RFX4: variants seen among roughly 807,000 people sequenced by gnomAD.
RFX4 encodes the protein transcription factor RFX4.
In RFX4, 10 loss-of-function variants were observed where a neutral mutation model predicts 95.0. The observed-to-expected ratio is 0.11, with a 90% CI of 0.06 to 0.18. The LOEUF is 0.18. RFX4 is among the 10% of genes least tolerant of loss of function. RFX4 has a pLI of 1.00. For missense variants in RFX4, 640 were observed against 922.0 expected (o/e 0.69, Z 3.96); for synonymous variants, 321 against 340.7 (o/e 0.94, Z 0.64).
chr12:106,719,945 TC>T lies in RFX4; in HGVS notation c.1139-13del. The T allele has an allele frequency of 1.9e-6, 3 of 1,606,848 alleles. No individual in the cohort carries two copies. The highest frequency in any genetic ancestry group is 2.6e-6 in the Non-Finnish European group (3 of 1,173,444). On this transcript the variant is annotated splice_polypyrimidine_tract_variant and intron_variant, in intron 11 of 17. Coordinates refer to ENST00000392842, the MANE Select transcript of RFX4 (RefSeq NM_213594.3). ...AACTGCAGTGATGCGTGTGGGGTTC[TC>T]CTTTGTTTGACAGTATATCAGGAGT...
intron 2 of RFX4, among the ~76,000 whole-genome samples, chr12:106,630,398 G>C (rs1329872674): frequency 2.0e-5 from 3 of 152,210 alleles, no homozygotes; most frequent in African/African-American, 4.8e-5. Flanking sequence ...AAGCAGGTGT[G>C]GGCCCCTCAC....
chr12:106,703,991 A>G (rs1347529590), intron 8 of RFX4, among the ~76,000 whole-genome samples: 2 of 142,762 alleles, frequency 1.4e-5, no homozygotes, highest in Non-Finnish European at 3.0e-5. Context: ...ACTTGAATCC[A>G]GGAGGCGGAG....
chr12:106,759,215 A>G (rs141946314), intron 17 of RFX4, among the ~76,000 whole-genome samples: 3 of 152,204 alleles, frequency 2.0e-5, no homozygotes, highest in African/African-American at 7.2e-5. Context: ...AAAGAATGAC[A>G]AAAGGGCAGG....
At chr12:106,592,761 T>A (rs758841643) in intron 1 of RFX4, among the ~76,000 whole-genome samples, 1 of 152,228 alleles carries the variant, frequency 6.6e-6, no homozygotes, top group Non-Finnish European at 1.5e-5. Context: ...TTTAGCAGGA[T>A]GCAGAGAGAG....
chr12:106,604,928 C>T (rs534593726), intron 1 of RFX4, among the ~76,000 whole-genome samples: 1 of 152,340 alleles, frequency 6.6e-6, no homozygotes, highest in Non-Finnish European at 1.5e-5. Context: ...GCTCAGTTCA[C>T]ATTTGGAGAG....
intron 2 of RFX4, among the ~76,000 whole-genome samples, chr12:106,610,599 A>T (rs1019457323): frequency 6.6e-6 from 1 of 152,252 alleles, no homozygotes; most frequent in Non-Finnish European, 1.5e-5. Flanking sequence ...TTCACTTAGC[A>T]TAATGCCTTC....
intron 2 of RFX4, among the ~76,000 whole-genome samples, chr12:106,620,418 C>A (rs984378042): frequency 1.3e-5 from 2 of 152,056 alleles, no homozygotes; most frequent in African/African-American, 4.8e-5. Flanking sequence ...CTCAAACCAG[C>A]AAGTTTTTTA....
At chr12:106,728,099 T>C (rs2042538984) in intron 13 of RFX4, among the ~76,000 whole-genome samples, 1 of 152,170 alleles carries the variant, frequency 6.6e-6, no homozygotes, top group Non-Finnish European at 1.5e-5. Flanking sequence ...TCTCTATATT[T>C]TTCTATGATG....
intron 4 of RFX4, among the ~76,000 whole-genome samples, chr12:106,681,429 G>T (rs2137397684): frequency 6.6e-6 from 1 of 152,342 alleles, no homozygotes; most frequent in East Asian, 1.9e-4. Flanking sequence ...GAAGGACATT[G>T]TCCAGACGCC....
intron 3 of RFX4, among the ~76,000 whole-genome samples, chr12:106,647,657 G>A (rs753459331): frequency 2.4e-4 from 36 of 151,976 alleles, no homozygotes; most frequent in Non-Finnish European, 4.7e-4. Context: ...ACATCAATAG[G>A]AATTTGGTTT....
intron 1 of RFX4, among the ~76,000 whole-genome samples, chr12:106,594,813 A>AG (rs2039594683): frequency 6.6e-6 from 1 of 151,812 alleles, no homozygotes; most frequent in African/African-American, 2.4e-5. Flanking sequence ...AAAAAAAAAA[A>AG]AAAGAAATGA....
chr12:106,720,155 C>A lies in RFX4; in HGVS notation c.1233+101C>A. The A allele has an allele frequency of 9.6e-7, 1 of 1,042,252 alleles. No individual in the cohort carries two copies. The highest frequency in any genetic ancestry group is 1.5e-6 in the Non-Finnish European group (1 of 675,598). 64.6% of individuals were successfully genotyped at this position (1,042,252 alleles called of 1,614,324 possible). A position where few individuals can be genotyped will look rare whatever the true frequency, so the allele number is the denominator to read the frequency against. The stretch of plus-strand genomic sequence containing the variant: ...AAAGCCCTATGGTAAGCTATCTGAA[C>A]AGGGTTTTGAGGAGAGGCCCCAGGA... On this transcript the variant is annotated intron_variant, in intron 12 of 17. Coordinates refer to ENST00000392842, the MANE Select transcript of RFX4 (RefSeq NM_213594.3). This position sits in a 1 kb window ranked among gnomAD's most constrained non-coding sequence, Gnocchi z 4.2.
intron 9 of RFX4, among the ~76,000 whole-genome samples, chr12:106,709,692 G>C (rs1200279775): frequency 6.6e-6 from 1 of 152,186 alleles, no homozygotes; most frequent in South Asian, 2.1e-4. Context: ...TCCCAGGTCT[G>C]TCTGACACCA....
intron 2 of RFX4, among the ~76,000 whole-genome samples, chr12:106,634,608 T>TG (rs1565958191): frequency 2.0e-4 from 31 of 152,162 alleles, no homozygotes; most frequent in African/African-American, 7.2e-4. Context: ...CTGGATCCAC[T>TG]CTGCCACACC....
chr12:106,667,511 T>C (rs1292401737), intron 4 of RFX4, among the ~76,000 whole-genome samples: 1 of 152,192 alleles, frequency 6.6e-6, no homozygotes, highest in Non-Finnish European at 1.5e-5. Context: ...CAATATTGTG[T>C]GGGTTCCCCT....
At chr12:106,607,311 C>G (rs1014841340) in intron 1 of RFX4, among the ~76,000 whole-genome samples, 3 of 152,074 alleles carry the variant, frequency 2.0e-5, no homozygotes, top group Non-Finnish European at 2.9e-5. Flanking sequence ...AAGATAGAAA[C>G]CTAATAAAAA....
intron 7 of RFX4, among the ~76,000 whole-genome samples, chr12:106,693,332 G>C (rs2041821108): frequency 6.6e-6 from 1 of 152,212 alleles, no homozygotes; most frequent in Admixed American, 6.5e-5. Flanking sequence ...AGTGCAGCTT[G>C]AACAGGCTTC....
chr12:106,747,450 T>G lies in RFX4; in HGVS notation c.1647T>G (p.Ser549=), dbSNP rs1196643773. ...TTGTCTCTGCAGGAGCAATGCAGTC[T>G]TACACGTGGTCTCTAACATACACAG... ...TGLSTTGAMQ[S]YTWSLTYTVT... Residue 549 remains serine (S), a synonymous_variant, in exon 16 of 18, where the codon TCT becomes TCG. Coordinates refer to ENST00000392842, the MANE Select transcript of RFX4 (RefSeq NM_213594.3). The G allele has an allele frequency of 6.2e-7, 1 of 1,614,102 alleles. No individual in the cohort carries two copies. The highest frequency in any genetic ancestry group is 2.2e-5 in the East Asian group (1 of 44,868).
At chr12:106,749,867 C>T (rs566658465) in intron 16 of RFX4, among the ~76,000 whole-genome samples, 8 of 152,174 alleles carry the variant, frequency 5.3e-5, no homozygotes, top group African/African-American at 1.7e-4. Flanking sequence ...GCTCTCCCCC[C>T]AGGAGACAGC....
Sources: gnomAD v4.1 joint callset for allele counts (sites outside exome capture counted in the v4.1 genomes callset) on GRCh38, gnomAD v4.1.1 for gene constraint, Gnocchi (gnomAD v3.1) non-coding constraint, MANE v1.5 for transcripts, NCBI Gene and HGNC (gene_info 2026-07-23, HGNC 2026-07-21) for gene names.